DHRS4: variants seen among roughly 807,000 people sequenced by gnomAD.
The protein encoded by DHRS4 is dehydrogenase/reductase SDR family member 4.
DHRS4 carries 20 observed loss-of-function variants against 28.4 expected under a neutral mutation model. The ratio of observed to expected loss-of-function variants is 0.71; its 90% CI spans 0.50 to 1.02. The LOEUF is 1.02. Ranked by LOEUF, DHRS4 falls within the 50% of genes least tolerant of loss-of-function variation. The pLI, the probability that DHRS4 is intolerant of heterozygous loss-of-function variation, is 0.00. For missense variants in DHRS4, 378 were observed against 367.2 expected (o/e 1.03, Z -0.24); for synonymous variants, 144 against 146.4 (o/e 0.98, Z 0.12).
intron 7 of DHRS4, 72 bp downstream of exon 7, chr14:23,967,338 C>T: frequency 1.3e-6 from 2 of 1,521,956 alleles, no homozygotes; most frequent in Non-Finnish European, 9.0e-7. Flanking sequence ...CAGCCCACAG[C>T]CCGCTGTCTC....
At chr14:23,966,050 A>T in intron 5 of DHRS4, 67 bp downstream of exon 5, 1 of 1,607,546 alleles carries the variant, frequency 6.2e-7, no homozygotes, top group Non-Finnish European at 8.5e-7. Context: ...CCCTCCTATT[A>T]CCCAAGGAAG....
chr14:23,955,957 T>A (rs1441341092), intron 2 of DHRS4, among the ~76,000 whole-genome samples: 2 of 152,016 alleles, frequency 1.3e-5, no homozygotes, highest in Non-Finnish European at 2.9e-5. Flanking sequence ...TTTCCCAGAG[T>A]GGAAGGGAGA....
rs185324512 is a variant in DHRS4, at chr14:23,954,323, A to G, written c.128+407A>G. On this transcript the variant is annotated intron_variant, in intron 1 of 7. Coordinates refer to ENST00000313250, the MANE Select transcript of DHRS4 (RefSeq NM_021004.4). Reference sequence around the variant, plus strand: ...ACCAGACATTCTATTTGGGCACCGGAAAGTCCCCCGGAACCCCTCCCCCTT... The same window carrying G: ...ACCAGACATTCTATTTGGGCACCGGGAAGTCCCCCGGAACCCCTCCCCCTT... 730 of 178,576 alleles carry G rather than the reference A, an allele frequency of 4.1e-3. 6 individuals are homozygous for G. Among genetic ancestry groups the G allele is most frequent in the African/African-American group, 0.016 (675 of 42,268 alleles). 11.1% of individuals were successfully genotyped at this position (178,576 alleles called of 1,614,324 possible). A position where few individuals can be genotyped will look rare whatever the true frequency, so the allele number is the denominator to read the frequency against.
chr14:23,954,709 C>A (rs11158470), intron 1 of DHRS4, among the ~76,000 whole-genome samples: 2 of 152,112 alleles, frequency 1.3e-5, no homozygotes, highest in African/African-American at 4.8e-5. Context: ...CCTCAAATCA[C>A]GGAAGTGGCT....
At position 23,966,359 on chromosome 14, in the gene DHRS4, G is replaced by A. The variant is rs755384901; in HGVS notation, c.608G>A (p.Arg203Lys). 2.0e-5 allele frequency: 32 copies of A among 1,613,912 alleles called. No individual in the cohort carries two copies. The South Asian group carries it at 2.4e-4, about 12-fold the overall frequency. Residue 203 changes from arginine to lysine, a missense_variant, in exon 6 of 8, where the codon AGG becomes AAG. Physicochemically the swap from Arg to Lys is conservative, Grantham distance 26. Coordinates refer to ENST00000313250, the MANE Select transcript of DHRS4 (RefSeq NM_021004.4). ...ACCCTGGCCATAGAGCTGGCCCCAA[G>A]GAACATTAGGGTGAACTGCCTAGCA... ...TKTLAIELAP[R>K]NIRVNCLAPG...
intron 4 of DHRS4, 50 bp downstream of exon 4, chr14:23,965,882 G>A (rs1594434413): frequency 6.2e-7 from 1 of 1,606,700 alleles, no homozygotes; most frequent in East Asian, 2.3e-5. Context: ...CACACGGGCT[G>A]AGGGCACTGG....
At chr14:23,960,180 T>A (rs1009377645) in intron 3 of DHRS4, among the ~76,000 whole-genome samples, 177 bp downstream of exon 3, 10 of 152,142 alleles carry the variant, frequency 6.6e-5, no homozygotes, top group East Asian at 3.9e-4. Context: ...GCTCTATCCC[T>A]GCCCTTCTCA....
At chr14:23,957,989 T>A (rs1355269310) in intron 2 of DHRS4, among the ~76,000 whole-genome samples, 1 of 151,458 alleles carries the variant, frequency 6.6e-6, no homozygotes, top group Non-Finnish European at 1.5e-5. Flanking sequence ...TCTAGAGCAA[T>A]CCATTGTCTC....
At chr14:23,960,598 G>C (rs1161350035) in intron 3 of DHRS4, among the ~76,000 whole-genome samples, 2 of 151,932 alleles carry the variant, frequency 1.3e-5, no homozygotes, top group Non-Finnish European at 2.9e-5. Context: ...TTATGTGAAA[G>C]TGTATAATTA....
chr14:23,963,112 A>G (rs2033483156), intron 3 of DHRS4, among the ~76,000 whole-genome samples: 2 of 112,486 alleles, frequency 1.8e-5, no homozygotes. Context: ...TTGTTGTTCC[A>G]TTTGCAGAGC....
Position 23,966,116 on chromosome 14 carries a change from T to C in DHRS4, c.531+133T>C, listed in dbSNP as rs1333946954. 5 of 1,592,284 alleles carry C rather than the reference T, an allele frequency of 3.1e-6. No homozygotes were observed. The East Asian group carries it at 1.1e-4, about 36-fold the overall frequency. ...AGTCCCTGCCCACAAAATAGATGCC[T>C]TGCCTCCACAAACCACAACCTAGGG... On this transcript the variant is annotated intron_variant, in intron 5 of 7. Coordinates refer to ENST00000313250, the MANE Select transcript of DHRS4 (RefSeq NM_021004.4).
At chr14:23,964,057 C>T (rs2033515788) in intron 3 of DHRS4, among the ~76,000 whole-genome samples, 3 of 150,474 alleles carry the variant, frequency 2.0e-5, no homozygotes, top group Non-Finnish European at 4.4e-5. Context: ...ATAATAAAAC[C>T]ATGAAAGATC....
Position 23,958,729 on chromosome 14 carries a change from A to C in DHRS4, c.307-1173A>C, listed in dbSNP as rs1405045247. Among the ~76,000 whole-genome samples the C allele has an allele frequency of 2.0e-5, 3 of 152,134 alleles. 1 individual carries two copies. Among genetic ancestry groups the C allele is most frequent in the Non-Finnish European group, 4.4e-5 (3 of 68,020 alleles). On this transcript the variant is annotated intron_variant, in intron 2 of 7. Transcript: ENST00000313250. Reference sequence around the variant, plus strand: ...GGCAACCAGTTTCCTGATGACCCCAACTCACTTTCAGAGGGCTCTTATGAA... The same window carrying C: ...GGCAACCAGTTTCCTGATGACCCCACCTCACTTTCAGAGGGCTCTTATGAA...
At chr14:23,954,543 C>T (rs1274189524) in intron 1 of DHRS4, among the ~76,000 whole-genome samples, 5 of 152,220 alleles carry the variant, frequency 3.3e-5, no homozygotes, top group Non-Finnish European at 7.3e-5. Context: ...CTGACAAATG[C>T]AAAATGTGTA....
chr14:23,953,816 T>C lies in DHRS4; in HGVS notation c.28T>C (p.Cys10Arg). The change falls in exon 1 of 8, where the codon TGT (cysteine) becomes CGT (arginine). Residue 10 changes from cysteine to arginine, a missense_variant. Transcript: ENST00000313250. MHKAGLLGL[C>R]ARAWNSVRMA... The stretch of plus-strand genomic sequence containing the variant: ...GCACAAGGCGGGGCTGCTAGGCCTC[T>C]GTGCCCGGGCTTGGAATTCGGTGCG... 1.9e-6 allele frequency: 3 copies of C among 1,614,130 alleles called. No homozygotes were observed. The highest frequency in any genetic ancestry group is 2.5e-6 in the Non-Finnish European group (3 of 1,179,986).
At position 23,969,134 on chromosome 14, in the gene DHRS4, A is replaced by G. The variant is rs1327797833; in HGVS notation, c.*263A>G. The G allele has an allele frequency of 4.3e-5, 21 of 489,712 alleles. No homozygotes were observed. The highest frequency in any genetic ancestry group is 4.0e-4 in the African/African-American group (20 of 50,024). 30.3% of individuals were successfully genotyped at this position (489,712 alleles called of 1,614,324 possible). A position where few individuals can be genotyped will look rare whatever the true frequency, so the allele number is the denominator to read the frequency against. On this transcript the variant is annotated 3_prime_UTR_variant, in exon 8 of 8. Coordinates refer to ENST00000313250, the MANE Select transcript of DHRS4 (RefSeq NM_021004.4). ...CAAGGCTGAGTCTACCTTGGCAAAG[A>G]CCAAGATATTTTTTCCCGGGCCACT... is the stretch of plus-strand genomic sequence containing the variant.
chr14:23,968,687 C>A, intron 7 of DHRS4, 70 bp from the exon 8 acceptor site: 1 of 1,578,634 alleles, frequency 6.3e-7, no homozygotes, highest in Non-Finnish European at 8.6e-7. Flanking sequence ...AATTTAACTC[C>A]CTGTGTCCCA....
chr14:23,960,407 G>C (rs1268843739), intron 3 of DHRS4, among the ~76,000 whole-genome samples: 1 of 151,926 alleles, frequency 6.6e-6, no homozygotes, highest in Non-Finnish European at 1.5e-5. Context: ...TTACGAGTTG[G>C]GAAATATTAA....
chr14:23,968,530 TA>T (rs1204184369), intron 7 of DHRS4, among the ~76,000 whole-genome samples: 1 of 151,210 alleles, frequency 6.6e-6, no homozygotes, highest in East Asian at 1.9e-4. Context: ...GTTTCTATAG[TA>T]TTTGAATATT....
Sources: gnomAD v4.1 joint callset for allele counts (sites outside exome capture counted in the v4.1 genomes callset) on GRCh38, gnomAD v4.1.1 for gene constraint, MANE v1.5 for transcripts, NCBI Gene and HGNC (gene_info 2026-07-23, HGNC 2026-07-21) for gene names.